COL4A6: variants seen among roughly 807,000 people sequenced by gnomAD.
COL4A6 encodes collagen type IV alpha 6 chain, also known as collagen alpha-6(IV) chain.
A neutral mutation model predicts 126.7 loss-of-function variants in COL4A6; 59 were observed. The observed-to-expected ratio is 0.47, with a 90% CI of 0.38 to 0.58. The LOEUF (loss-of-function observed/expected upper bound fraction) is 0.58, where lower values mean the gene tolerates loss of function less well. COL4A6 is among the 20% of genes least tolerant of loss of function. The pLI, the probability that COL4A6 is intolerant of heterozygous loss-of-function variation, is 0.00. For synonymous variants in COL4A6, 547 were observed against 496.6 expected, an observed-to-expected ratio of 1.10 and a Z score of -1.35; for missense variants, 1,285 against 1,337.3, an observed-to-expected ratio of 0.96 and a Z score of 0.61.
Position 108,175,157 on chromosome X carries a change from G to T in COL4A6, c.2889C>A (p.Asn963Lys). 8.3e-7 allele frequency: 1 copy of T among 1,203,270 alleles called. No individual in the cohort carries two copies. Among genetic ancestry groups the T allele is most frequent in the Non-Finnish European group, 1.1e-6 (1 of 891,391 alleles). Residue 963 changes from asparagine (N) to lysine (K), a missense_variant, in exon 30 of 45, where the codon AAC becomes AAA. Physicochemically the swap from Asn to Lys is moderately conservative, Grantham distance 94 (BLOSUM62 0). Coordinates refer to ENST00000334504, the MANE Select transcript of COL4A6 (RefSeq NM_033641.4). ...AGCCTTTGTCTCCTTTGAGCCAAAGGTTTGACATTGGACGTCTTGGACTAG... is the reference window on the plus strand; with the variant it reads ...AGCCTTTGTCTCCTTTGAGCCAAAGTTTTGACATTGGACGTCTTGGACTAG... ...GIPSPRRPMSNLWLKGDKGSQ... is the reference protein window; with the variant it reads ...GIPSPRRPMSKLWLKGDKGSQ...
intron 2 of COL4A6, among the ~76,000 whole-genome samples, chrX:108,341,120 G>A (rs996188297): frequency 9.0e-6 from 1 of 111,136 alleles, no homozygotes; most frequent in Non-Finnish European, 1.9e-5. Context: ...TTCTGTCATT[G>A]AACCTACCTA....
chrX:108,278,401 G>C (rs2037685236), intron 3 of COL4A6, among the ~76,000 whole-genome samples: 1 of 111,900 alleles, frequency 8.9e-6, no homozygotes, highest in African/African-American at 3.3e-5. Context: ...AGTGATGGAA[G>C]ATGAAATGAA....
intron 3 of COL4A6, among the ~76,000 whole-genome samples, chrX:108,303,624 G>A (rs770767601): frequency 8.9e-6 from 1 of 111,787 alleles, no homozygotes; most frequent in Admixed American, 9.4e-5. Context: ...TTTAAAGAGC[G>A]AGTTTCTAAA....
At chrX:108,343,840 G>C (rs1158611379) in intron 2 of COL4A6, among the ~76,000 whole-genome samples, 1 of 108,208 alleles carries the variant, frequency 9.2e-6, no homozygotes. Context: ...AGAAAGGAGG[G>C]GTGAGCGTTG....
chrX:108,219,274 T>C, intron 5 of COL4A6, among the ~76,000 whole-genome samples: 1 of 112,160 alleles, frequency 8.9e-6, no homozygotes, highest in Non-Finnish European at 1.9e-5. Context: ...GAGAACAAAT[T>C]ACAAAATGGA....
chrX:108,323,436 TG>T (rs2039076844), intron 2 of COL4A6, among the ~76,000 whole-genome samples: 1 of 111,988 alleles, frequency 8.9e-6, no homozygotes, highest in Non-Finnish European at 1.9e-5. Flanking sequence ...AAAACTTGGA[TG>T]TGATTGTTCT....
At chrX:108,336,979 T>G (rs1196089206) in intron 2 of COL4A6, among the ~76,000 whole-genome samples, 1 of 111,254 alleles carries the variant, frequency 9.0e-6, no homozygotes, top group Non-Finnish European at 1.9e-5. Context: ...TGCCCATTCT[T>G]CATAGTCCAG....
intron 20 of COL4A6, 107 bp downstream of exon 20, chrX:108,190,285 C>A (rs2295917): frequency 1.4e-5 from 7 of 515,717 alleles, no homozygotes; most frequent in Non-Finnish European, 2.3e-5. Flanking sequence ...CAAACAAGAT[C>A]CACAGTTGCT....
chrX:108,381,248 G>A (rs961757502), intron 2 of COL4A6, among the ~76,000 whole-genome samples: 19 of 111,652 alleles, frequency 1.7e-4, no homozygotes, highest in African/African-American at 5.9e-4. Context: ...CATAAATAAG[G>A]TAAGCAGGAT....
chrX:108,213,359 G>T (rs539969764), intron 6 of COL4A6, among the ~76,000 whole-genome samples: 2 of 112,363 alleles, frequency 1.8e-5, no homozygotes, highest in African/African-American at 6.5e-5. Flanking sequence ...AAATCAGCCT[G>T]GAAGGGCATT....
chrX:108,321,946 A>G (rs1427683284), intron 2 of COL4A6, among the ~76,000 whole-genome samples: 2 of 111,354 alleles, frequency 1.8e-5, no homozygotes, highest in African/African-American at 3.3e-5. Context: ...TGATGCTTCA[A>G]GGGGTTAGTT....
At chrX:108,214,287 G>A in intron 5 of COL4A6, 59 bp from the exon 6 acceptor site, 3 of 854,709 alleles carry the variant, frequency 3.5e-6, no homozygotes, top group Non-Finnish European at 5.0e-6. Flanking sequence ...TATTCTAAAT[G>A]GCTCCACAGC....
chrX:108,226,690 TC>T (rs1389144658), intron 3 of COL4A6, among the ~76,000 whole-genome samples: 2 of 111,101 alleles, frequency 1.8e-5, no homozygotes, highest in Admixed American at 9.6e-5. Context: ...CCAAACCAGC[TC>T]CCTTTTTCTG....
At chrX:108,348,193 C>T (rs755989070) in intron 2 of COL4A6, among the ~76,000 whole-genome samples, 20 of 112,161 alleles carry the variant, frequency 1.8e-4, no homozygotes, top group Non-Finnish European at 3.0e-4. Context: ...TAACAATCCC[C>T]ATTAGCAGTA....
chrX:108,310,523 C>T (rs2038735683), intron 3 of COL4A6, among the ~76,000 whole-genome samples: 1 of 112,041 alleles, frequency 8.9e-6, no homozygotes, highest in Non-Finnish European at 1.9e-5. Context: ...CTGAGGAAAC[C>T]TTGGCATTAA....
intron 2 of COL4A6, among the ~76,000 whole-genome samples, chrX:108,373,349 G>T (rs981335820): frequency 2.7e-5 from 3 of 111,988 alleles, no homozygotes; most frequent in Admixed American, 1.9e-4. Flanking sequence ...GAGCTTGACT[G>T]AATTTAAAAT....
chrX:108,425,877 T>G (rs1370969999), intron 2 of COL4A6, among the ~76,000 whole-genome samples: 2 of 111,124 alleles, frequency 1.8e-5, no homozygotes, highest in Admixed American at 9.6e-5. Flanking sequence ...TTGATATTTC[T>G]GGGGAGGGCA....
At chrX:108,421,739 C>G (rs1396241315) in intron 2 of COL4A6, among the ~76,000 whole-genome samples, 1 of 111,195 alleles carries the variant, frequency 9.0e-6, no homozygotes, top group Non-Finnish European at 1.9e-5. Flanking sequence ...GCTCATAGAC[C>G]TACCTGAAAC....
chrX:108,435,173 C>A (rs1316989726), intron 2 of COL4A6, among the ~76,000 whole-genome samples: 2 of 111,572 alleles, frequency 1.8e-5, no homozygotes, highest in Non-Finnish European at 3.8e-5. Context: ...TTACCCTCCT[C>A]CCAACCCAAA....
Sources: gnomAD v4.1 joint callset for allele counts (sites outside exome capture counted in the v4.1 genomes callset) on GRCh38, gnomAD v4.1.1 for gene constraint, MANE v1.5 for transcripts, NCBI Gene and HGNC (gene_info 2026-07-23, HGNC 2026-07-21) for gene names.